The following RCAN2 variants were observed in gnomAD, a reference collection of about 807,000 sequenced individuals.
The protein encoded by RCAN2 is regulator of calcineurin 2, also known as calcipressin-2.
In RCAN2, 9 loss-of-function variants were observed where a neutral mutation model predicts 23.6. That is an observed-to-expected ratio of 0.38 (90% CI 0.23 to 0.67). The LOEUF is 0.67. Among genes scored for constraint, RCAN2 ranks in the 30% least tolerant of loss-of-function variants. RCAN2 has a pLI of 0.51. For synonymous variants in RCAN2, 109 were observed against 115.7 expected, an observed-to-expected ratio of 0.94 and a Z score of 0.37; for missense variants, 273 against 302.3, an observed-to-expected ratio of 0.90 and a Z score of 0.72.
intron 2 of RCAN2, among the ~76,000 whole-genome samples, chr6:46,431,202 TA>T (rs11335520): frequency 0.049 from 7,340 of 150,132 alleles, 345 homozygotes; most frequent in African/African-American, 0.12. Context: ...TTTGTATTTT[TA>T]AAAAAAAAAA....
At chr6:46,478,143 T>C (rs892831844) in intron 1 of RCAN2, among the ~76,000 whole-genome samples, 2 of 152,208 alleles carry the variant, frequency 1.3e-5, no homozygotes, top group African/African-American at 4.8e-5. Flanking sequence ...GCAACTCCAG[T>C]GATCATTTTG....
intron 2 of RCAN2, among the ~76,000 whole-genome samples, chr6:46,329,722 T>C (rs1028337002): frequency 6.6e-6 from 1 of 152,162 alleles, no homozygotes; most frequent in Admixed American, 6.5e-5. Context: ...AGGAGTGTCC[T>C]TTCCAGCTGA....
chr6:46,263,415 T>C (rs995684363), intron 2 of RCAN2, among the ~76,000 whole-genome samples: 1 of 152,062 alleles, frequency 6.6e-6, no homozygotes, highest in African/African-American at 2.4e-5. Flanking sequence ...CTATTTAAAA[T>C]ATTATGAATA....
chr6:46,240,213 C>G (rs747945561), intron 4 of RCAN2, among the ~76,000 whole-genome samples: 1 of 152,092 alleles, frequency 6.6e-6, no homozygotes, highest in African/African-American at 2.4e-5. Context: ...ACACACATAC[C>G]TATAAGAAAA....
intron 2 of RCAN2, among the ~76,000 whole-genome samples, chr6:46,357,951 C>T (rs943813288): frequency 6.6e-6 from 1 of 152,190 alleles, no homozygotes; most frequent in Non-Finnish European, 1.5e-5. Context: ...ATTATCTTTC[C>T]TTTCCCTCAC....
At chr6:46,447,346 A>G (rs1255065172) in intron 2 of RCAN2, among the ~76,000 whole-genome samples, 2 of 151,888 alleles carry the variant, frequency 1.3e-5, no homozygotes, top group Non-Finnish European at 2.9e-5. Flanking sequence ...ATAGATCTAG[A>G]GAGAGAATAG....
At chr6:46,431,418 A>T (rs1485501563) in intron 2 of RCAN2, among the ~76,000 whole-genome samples, 1 of 152,126 alleles carries the variant, frequency 6.6e-6, no homozygotes, top group Non-Finnish European at 1.5e-5. Context: ...AAAAAATAAC[A>T]TGGCAAGGTC....
At chr6:46,399,865 CCAAACAAGAT>C in intron 2 of RCAN2, among the ~76,000 whole-genome samples, 1 of 152,164 alleles carries the variant, frequency 6.6e-6, no homozygotes, top group Non-Finnish European at 1.5e-5. Context: ...GACCCTTTTT[CCAAACAAGAT>C]CACATTCACA....
At chr6:46,305,038 C>G (rs1449983893) in intron 2 of RCAN2, among the ~76,000 whole-genome samples, 3 of 152,128 alleles carry the variant, frequency 2.0e-5, no homozygotes, top group African/African-American at 7.2e-5. Flanking sequence ...CCACCTAACT[C>G]AGTCTAGCCC....
At chr6:46,458,041 G>C (rs749446732) in intron 1 of RCAN2, among the ~76,000 whole-genome samples, 13 of 152,114 alleles carry the variant, frequency 8.5e-5, no homozygotes, top group Non-Finnish European at 1.6e-4. Flanking sequence ...TAGTTAAGAG[G>C]CTCGGAAAGT....
rs367741318 is a variant in RCAN2 at position 46,246,845 on chromosome 6, C to T, written c.474G>A (p.Ser158=). 428 of 1,612,226 alleles carry T rather than the reference C, an allele frequency of 2.7e-4. 4 individuals carry two copies. Among genetic ancestry groups the T allele is most frequent in the Non-Finnish European group, 1.1e-4 (129 of 1,179,244 alleles). The part of the protein sequence containing the change: ...PPQPAKQFLI[S]PPSSPPVGWQ... ...AGCCAACAGGTGGGGAGGAAGGGGG[C>T]GAGATGAGAAACTGTTTGGCAGGCT... Residue 158 remains serine, a synonymous_variant, in exon 4 of 5, where the codon TCG becomes TCA. Transcript: ENST00000371374.
chr6:46,455,852 G>A (rs1311248218), intron 2 of RCAN2, among the ~76,000 whole-genome samples: 2 of 130,648 alleles, frequency 1.5e-5, no homozygotes, highest in South Asian at 2.6e-4. Flanking sequence ...GCGAGATTCC[G>A]TTAAAAAAAA....
intron 2 of RCAN2, among the ~76,000 whole-genome samples, chr6:46,403,560 GAAAC>G (rs1766319024): frequency 7.6e-6 from 1 of 131,606 alleles, no homozygotes; most frequent in Non-Finnish European, 1.6e-5. Flanking sequence ...CAACAAGAGC[GAAAC>G]TCCGTATCAA....
At chr6:46,467,852 A>G (rs1046246213) in intron 1 of RCAN2, among the ~76,000 whole-genome samples, 3 of 152,234 alleles carry the variant, frequency 2.0e-5, no homozygotes, top group Non-Finnish European at 4.4e-5. Flanking sequence ...CAGTGAAAAA[A>G]TGCAAGAACA....
chr6:46,332,461 C>G (rs13212209), intron 2 of RCAN2, among the ~76,000 whole-genome samples: 1 of 104,880 alleles, frequency 9.5e-6, no homozygotes, highest in African/African-American at 4.9e-5. Context: ...CCTCCCCCCT[C>G]CCCCCACCCC....
intron 2 of RCAN2, among the ~76,000 whole-genome samples, chr6:46,386,609 A>G (rs964031637): frequency 3.4e-5 from 3 of 87,804 alleles, no homozygotes; most frequent in African/African-American, 8.8e-5. Context: ...ACTCTGTCTC[A>G]CAAAAAAAAA....
chr6:46,474,903 A>G (rs1375999914), intron 1 of RCAN2, among the ~76,000 whole-genome samples: 1 of 152,332 alleles, frequency 6.6e-6, no homozygotes. Context: ...GGGGAAAGTC[A>G]AGGCTTATTT....
intron 1 of RCAN2, among the ~76,000 whole-genome samples, chr6:46,482,221 T>A (rs1004902464): frequency 6.6e-6 from 1 of 151,946 alleles, no homozygotes; most frequent in African/African-American, 2.4e-5. Context: ...TTTTTTAATA[T>A]TAAAAATAAT....
intron 2 of RCAN2, among the ~76,000 whole-genome samples, chr6:46,249,392 C>T (rs1460735031): frequency 1.4e-5 from 2 of 146,844 alleles, no homozygotes; most frequent in Non-Finnish European, 3.0e-5. Context: ...GATCTTGGCT[C>T]ACTGCAACCC....
Sources: gnomAD v4.1 joint callset for allele counts (sites outside exome capture counted in the v4.1 genomes callset) on GRCh38, gnomAD v4.1.1 for gene constraint, MANE v1.5 for transcripts, NCBI Gene and HGNC (gene_info 2026-07-23, HGNC 2026-07-21) for gene names.